Variants in SBF2 observed in about 807,000 individuals in gnomAD.
The protein encoded by SBF2 is myotubularin-related protein 13.
SBF2 carries 112 observed loss-of-function variants against 225.2 expected under a neutral mutation model. The ratio of observed to expected loss-of-function variants is 0.50; its 90% CI spans 0.43 to 0.58. The LOEUF is 0.58. Among genes scored for constraint, SBF2 ranks in the 20% least tolerant of loss-of-function variants. SBF2 has a pLI of 0.00. For missense variants in SBF2, 1,996 were observed against 2,206.2 expected, an observed-to-expected ratio of 0.90 and a Z score of 1.91; for synonymous variants, 763 against 773.3, an observed-to-expected ratio of 0.99 and a Z score of 0.22.
chr11:9,792,893 C>T (rs1852842295), intron 33 of SBF2, among the ~76,000 whole-genome samples: 1 of 150,992 alleles, frequency 6.6e-6, no homozygotes, highest in Admixed American at 6.6e-5. Flanking sequence ...GCTGCAACTA[C>T]AGGAGTGCGC....
rs897576353 is a variant in SBF2 at position 9,849,882 on chromosome 11, C to T, written c.2806+141G>A. Reference sequence around the variant, plus strand: ...CCAAATTATCATTAGCTCTGTCAGACTAAAGTATTTCACCAAAATACCTGT... The same window carrying T: ...CCAAATTATCATTAGCTCTGTCAGATTAAAGTATTTCACCAAAATACCTGT... On this transcript the variant is annotated intron_variant, in intron 22 of 39. Transcript: ENST00000256190. The T allele has an allele frequency of 2.3e-5, 18 of 794,844 alleles. No homozygotes were observed. The Admixed American group carries it at 3.2e-4, about 14-fold the overall frequency. 49.2% of individuals were successfully genotyped at this position (794,844 alleles called of 1,614,324 possible).
intron 2 of SBF2, among the ~76,000 whole-genome samples, chr11:10,189,620 G>A (rs373952993): frequency 6.6e-6 from 1 of 152,114 alleles, no homozygotes; most frequent in Non-Finnish European, 1.5e-5. Flanking sequence ...TAGTCAAATT[G>A]CTAGTGTATA....
At position 10,167,772 on chromosome 11, in the gene SBF2, C is replaced by A. The variant is rs181652929; in HGVS notation, c.141+26130G>T. Among the ~76,000 whole-genome samples, 24 of 152,258 alleles carry A rather than the reference C, an allele frequency of 1.6e-4. No homozygotes were observed. The East Asian group carries it at 4.6e-3, about 29-fold the overall frequency. On this transcript the variant is annotated intron_variant, in intron 2 of 39. Coordinates refer to ENST00000256190, the MANE Select transcript of SBF2 (RefSeq NM_030962.4). The stretch of plus-strand genomic sequence containing the variant: ...GTGGCTCATGCCTGTAATCCCAGCA[C>A]TTTGGGAGGCTGAGGAAGGCGGATC...
chr11:10,253,960 T>C (rs770162586), intron 1 of SBF2, among the ~76,000 whole-genome samples: 2 of 152,160 alleles, frequency 1.3e-5, no homozygotes, highest in Non-Finnish European at 2.9e-5. Context: ...ATCTGTTAAA[T>C]AGTTATTATC....
At chr11:10,174,964 G>A (rs1304061470) in intron 2 of SBF2, among the ~76,000 whole-genome samples, 13 of 151,634 alleles carry the variant, frequency 8.6e-5, no homozygotes, top group Admixed American at 8.5e-4. Context: ...CAAATGCTGA[G>A]AGATTTTGTC....
intron 6 of SBF2, among the ~76,000 whole-genome samples, chr11:10,009,291 G>C (rs1249002902): frequency 1.3e-5 from 2 of 152,104 alleles, no homozygotes; most frequent in Non-Finnish European, 2.9e-5. Context: ...TAAGTTCTGG[G>C]ATACATGTGC....
intron 1 of SBF2, among the ~76,000 whole-genome samples, chr11:10,266,378 A>G (rs892853254): frequency 3.3e-5 from 5 of 152,146 alleles, no homozygotes; most frequent in African/African-American, 9.7e-5. Context: ...GGACTAGGAG[A>G]CACTGATCAC....
intron 7 of SBF2, among the ~76,000 whole-genome samples, chr11:10,001,255 T>G (rs1019156508): frequency 6.6e-6 from 1 of 152,132 alleles, no homozygotes; most frequent in Non-Finnish European, 1.5e-5. Context: ...TTCCTTAACC[T>G]TTGTTTCTTC....
chr11:10,100,995 C>T (rs760726972), intron 2 of SBF2, among the ~76,000 whole-genome samples: 9 of 152,140 alleles, frequency 5.9e-5, no homozygotes, highest in African/African-American at 9.7e-5. Context: ...AGGATACTCT[C>T]GGAGTTCTTG....
At chr11:10,141,921 C>T (rs16907498) in intron 2 of SBF2, among the ~76,000 whole-genome samples, 11,930 of 152,178 alleles carry the variant, frequency 0.078, 655 homozygotes, top group East Asian at 0.28. Context: ...ATGTAACATT[C>T]AGGATAGTAA....
chr11:10,277,943 T>C (rs1459011871), intron 1 of SBF2, among the ~76,000 whole-genome samples: 1 of 152,216 alleles, frequency 6.6e-6, no homozygotes, highest in African/African-American at 2.4e-5. Flanking sequence ...CACGAGTTTG[T>C]AGTAATTTGT....
chr11:10,283,401 TGTG>T (rs1224564274), intron 1 of SBF2, among the ~76,000 whole-genome samples: 1 of 152,160 alleles, frequency 6.6e-6, no homozygotes, highest in African/African-American at 2.4e-5. Context: ...TGTCTCAAAA[TGTG>T]GTATTTCAGG....
intron 1 of SBF2, among the ~76,000 whole-genome samples, chr11:10,269,592 T>C (rs1962299362): frequency 6.6e-6 from 1 of 152,244 alleles, no homozygotes; most frequent in East Asian, 1.9e-4. Context: ...TTACATGAAA[T>C]AACTCATTTA....
chr11:10,039,753 G>A (rs370013201), intron 3 of SBF2, among the ~76,000 whole-genome samples: 207 of 151,896 alleles, frequency 1.4e-3, no homozygotes, highest in African/African-American at 4.6e-3. Flanking sequence ...GGCAGAGGCA[G>A]GGAAGGAATA....
chr11:10,014,435 C>T (rs117789431), intron 6 of SBF2, among the ~76,000 whole-genome samples: 2,140 of 138,302 alleles, frequency 0.015, 23 homozygotes, highest in Non-Finnish European at 0.023. Context: ...ATAACATCAA[C>T]ATACTTATTC....
intron 16 of SBF2, among the ~76,000 whole-genome samples, chr11:9,926,248 A>G (rs899412194): frequency 1.3e-5 from 2 of 152,166 alleles, no homozygotes; most frequent in African/African-American, 4.8e-5. Flanking sequence ...ATTTTCCTGT[A>G]GCTGTTAGAA....
intron 1 of SBF2, among the ~76,000 whole-genome samples, chr11:10,230,897 CAG>C (rs1958812743): frequency 6.6e-6 from 1 of 152,160 alleles, no homozygotes; most frequent in Admixed American, 6.5e-5. Flanking sequence ...TAATATCCTG[CAG>C]AGTGTTTTCC....
intron 1 of SBF2, among the ~76,000 whole-genome samples, chr11:10,274,111 G>T (rs934013998): frequency 6.6e-6 from 1 of 152,198 alleles, no homozygotes; most frequent in Non-Finnish European, 1.5e-5. Context: ...AAGTATGAAT[G>T]ATTTGGCAGT....
chr11:9,836,428 G>A (rs543959362), intron 26 of SBF2, among the ~76,000 whole-genome samples: 5 of 152,060 alleles, frequency 3.3e-5, no homozygotes, highest in South Asian at 4.2e-4. Flanking sequence ...CATATGTTGG[G>A]GTGTTTCTGT....
Sources: gnomAD v4.1 joint callset for allele counts (sites outside exome capture counted in the v4.1 genomes callset) on GRCh38, gnomAD v4.1.1 for gene constraint, MANE v1.5 for transcripts, NCBI Gene and HGNC (gene_info 2026-07-23, HGNC 2026-07-21) for gene names.